TRPC6: variants seen among roughly 807,000 people sequenced by gnomAD.
TRPC6 encodes short transient receptor potential channel 6.
TRPC6 carries 55 observed loss-of-function variants against 90.7 expected under a neutral mutation model. The ratio of observed to expected loss-of-function variants is 0.61; its 90% CI spans 0.49 to 0.76. TRPC6 has a LOEUF of 0.76. Ranked by LOEUF, TRPC6 falls within the 30% of genes least tolerant of loss-of-function variation. The pLI is 0.00. For missense variants in TRPC6, 989 were observed against 1,122.7 expected (o/e 0.88, Z 1.70); for synonymous variants, 393 against 393.0 (o/e 1.00, Z 0.00).
chr11:101,580,844 T>C (rs553302040), intron 1 of TRPC6, among the ~76,000 whole-genome samples: 21 of 152,266 alleles, frequency 1.4e-4, no homozygotes, highest in African/African-American at 2.6e-4. Flanking sequence ...CACTATGAAA[T>C]TGTATAAATC....
At chr11:101,476,105 T>A (rs1859410482) in intron 6 of TRPC6, among the ~76,000 whole-genome samples, 196 bp downstream of exon 6, 1 of 152,066 alleles carries the variant, frequency 6.6e-6, no homozygotes, top group African/African-American at 2.4e-5. Flanking sequence ...TTAAGAGAGT[T>A]TTCCAGGGAG....
chr11:101,504,392 C>T lies in TRPC6; in HGVS notation c.577G>A (p.Ala193Thr), dbSNP rs1203056360. 2 of 1,613,982 alleles carry T rather than the reference C, an allele frequency of 1.2e-6. No individual in the cohort carries two copies. The highest frequency in any genetic ancestry group is 2.7e-5 in the African/African-American group (2 of 74,924). ...AGTTCAGACTGGCTAGGGCTGGTTG[C>T]TAACCTCTTGCCTTCAGCAAAAGCC... ...HPAFAEGKRL[A>T]TSPSQSELQQ... is the part of the protein sequence containing the mutation. The change falls in exon 2 of 13, where the codon GCA becomes ACA. Residue 193 changes from alanine to threonine, a missense_variant. Ala to Thr is a moderately conservative substitution (Grantham distance 58). This residue lies in a region of TRPC6 where 486 missense variants were observed against 591.9 expected (regional missense o/e 0.82). Transcript: ENST00000344327.
intron 1 of TRPC6, among the ~76,000 whole-genome samples, chr11:101,579,830 C>G (rs958814401): frequency 2.0e-5 from 3 of 152,182 alleles, no homozygotes; most frequent in African/African-American, 7.2e-5. Context: ...TCTGCCTCAT[C>G]TGGCACCAAG....
intron 1 of TRPC6, among the ~76,000 whole-genome samples, chr11:101,554,375 G>A (rs11224849): frequency 0.1 from 15,145 of 151,408 alleles, 867 homozygotes; most frequent in Middle Eastern, 0.14. Context: ...ATGTTAACTG[G>A]GCATCTAAGC....
intron 1 of TRPC6, among the ~76,000 whole-genome samples, chr11:101,511,713 C>T (rs972134366): frequency 5.9e-5 from 9 of 152,052 alleles, no homozygotes; most frequent in African/African-American, 2.2e-4. Context: ...GAACTAGGGC[C>T]AGGTGCGGTG....
intron 1 of TRPC6, among the ~76,000 whole-genome samples, chr11:101,561,421 G>C (rs1363015387): frequency 6.6e-6 from 1 of 152,126 alleles, no homozygotes; most frequent in African/African-American, 2.4e-5. Flanking sequence ...GTATACATGA[G>C]TTCCATGCCA....
rs11224813 is a variant in TRPC6 at position 101,516,198 on chromosome 11, C to T, written c.171-11400G>A. Among the ~76,000 whole-genome samples, 474 of 151,274 alleles carry T rather than the reference C, an allele frequency of 3.1e-3. 8 individuals are homozygous for T. In the East Asian group the frequency reaches 0.07, roughly 22 times the overall value. On this transcript the variant is annotated intron_variant, in intron 1 of 12. Coordinates refer to ENST00000344327, the MANE Select transcript of TRPC6 (RefSeq NM_004621.6). ...AACAATACCTAGGATTAGTTATGAACTGATTGATACATAGAAACTTCCCTC... is the reference window on the plus strand; with the variant it reads ...AACAATACCTAGGATTAGTTATGAATTGATTGATACATAGAAACTTCCCTC...
At chr11:101,453,515 G>C in intron 12 of TRPC6, 135 bp downstream of exon 12, 1 of 862,332 alleles carries the variant, frequency 1.2e-6, no homozygotes, top group African/African-American at 1.7e-5. Flanking sequence ...AACGGCGGTT[G>C]GTGAGATCCT....
intron 1 of TRPC6, among the ~76,000 whole-genome samples, chr11:101,523,638 G>A (rs978173160): frequency 6.6e-6 from 1 of 152,148 alleles, no homozygotes; most frequent in African/African-American, 2.4e-5. Flanking sequence ...TTTTCTCTTA[G>A]TTTAGACAGG....
chr11:101,510,065 T>C (rs1008073636), intron 1 of TRPC6, among the ~76,000 whole-genome samples: 6 of 152,174 alleles, frequency 3.9e-5, no homozygotes, highest in African/African-American at 1.4e-4. Context: ...TAAAAGCTGC[T>C]TGTATGTTGT....
At chr11:101,486,669 C>A (rs1177810905) in intron 4 of TRPC6, among the ~76,000 whole-genome samples, 1 of 152,104 alleles carries the variant, frequency 6.6e-6, no homozygotes, top group Non-Finnish European at 1.5e-5. Context: ...TTGTTTCCTA[C>A]AGCAAAACCA....
At chr11:101,551,607 A>G (rs1207010606) in intron 1 of TRPC6, among the ~76,000 whole-genome samples, 3 of 152,004 alleles carry the variant, frequency 2.0e-5, no homozygotes, top group Admixed American at 2.0e-4. Context: ...AGTTCTAAAC[A>G]AGGTTTAAAT....
At chr11:101,530,717 A>C (rs1860892598) in intron 1 of TRPC6, among the ~76,000 whole-genome samples, 1 of 152,158 alleles carries the variant, frequency 6.6e-6, no homozygotes, top group South Asian at 2.1e-4. Context: ...TATTCACGCC[A>C]GCTCGAGCCC....
At chr11:101,524,312 G>A (rs1049672504) in intron 1 of TRPC6, among the ~76,000 whole-genome samples, 4 of 152,034 alleles carry the variant, frequency 2.6e-5, no homozygotes, top group East Asian at 3.9e-4. Context: ...GCAGTGGCAC[G>A]ATCTCGGCTC....
chr11:101,575,910 G>A (rs1202302054), intron 1 of TRPC6, among the ~76,000 whole-genome samples: 2 of 152,138 alleles, frequency 1.3e-5, no homozygotes, highest in Non-Finnish European at 2.9e-5. Context: ...CTATGAAAAG[G>A]GAGAAGAGAA....
chr11:101,470,635 A>T (rs1191960748), intron 9 of TRPC6, among the ~76,000 whole-genome samples: 1 of 151,948 alleles, frequency 6.6e-6, no homozygotes, highest in Non-Finnish European at 1.5e-5. Context: ...AAATCTTTTT[A>T]TTTTTTTTAA....
At chr11:101,554,494 T>C (rs1167103693) in intron 1 of TRPC6, among the ~76,000 whole-genome samples, 1 of 152,140 alleles carries the variant, frequency 6.6e-6, no homozygotes, top group Non-Finnish European at 1.5e-5. Context: ...TGCATGAATG[T>C]ATGTATAAAA....
At chr11:101,458,041 C>G (rs965753497) in intron 10 of TRPC6, among the ~76,000 whole-genome samples, 27 of 152,126 alleles carry the variant, frequency 1.8e-4, no homozygotes, top group Admixed American at 1.6e-3. Context: ...GCCTAGCTGA[C>G]CTTAACCATA....
chr11:101,532,348 G>A (rs745959959), intron 1 of TRPC6, among the ~76,000 whole-genome samples: 4 of 152,178 alleles, frequency 2.6e-5, no homozygotes, highest in African/African-American at 7.2e-5. Flanking sequence ...GTGTCCTAAA[G>A]CCTGCCTCAC....
Sources: gnomAD v4.1 joint callset for allele counts (sites outside exome capture counted in the v4.1 genomes callset) on GRCh38, gnomAD v4.1.1 for gene constraint, gnomAD v4.1.1 regional missense constraint, MANE v1.5 for transcripts, NCBI Gene and HGNC (gene_info 2026-07-23, HGNC 2026-07-21) for gene names.